NAV3: variants seen among roughly 807,000 people sequenced by gnomAD.
The protein encoded by NAV3 is pore membrane and/or filament interacting like protein 1.
In NAV3, 87 loss-of-function variants were observed where a neutral mutation model predicts 244.7. The observed-to-expected ratio is 0.36, with a 90% CI of 0.30 to 0.42. The LOEUF (loss-of-function observed/expected upper bound fraction) is 0.42. NAV3 is among the 20% of genes least tolerant of loss of function. The probability of loss-of-function intolerance (pLI) is 1.00; values close to 1 mark genes in which losing one functional copy is unlikely to be tolerated. For synonymous variants in NAV3, 1,126 were observed against 1,042.2 expected, an observed-to-expected ratio of 1.08 and a Z score of -1.55; for missense variants, 2,663 against 2,893.3, an observed-to-expected ratio of 0.92 and a Z score of 1.83.
At chr12:77,811,507 T>C (rs1346914596) in intron 2 of NAV3, among the ~76,000 whole-genome samples, 1 of 152,242 alleles carries the variant, frequency 6.6e-6, no homozygotes, top group Non-Finnish European at 1.5e-5. Flanking sequence ...AGTTTGATAC[T>C]AGGCCTTGTT....
intron 2 of NAV3, among the ~76,000 whole-genome samples, chr12:77,707,771 G>A (rs1001799030): frequency 6.6e-6 from 1 of 152,128 alleles, no homozygotes; most frequent in Non-Finnish European, 1.5e-5. Context: ...GTGTGAGATG[G>A]TATCTCATTG....
At chr12:77,583,515 T>C (rs2136685299) in intron 2 of NAV3, among the ~76,000 whole-genome samples, 2 of 152,302 alleles carry the variant, frequency 1.3e-5, no homozygotes, top group South Asian at 4.1e-4. Context: ...AAAATATTTT[T>C]AGGTAATTAT....
At chr12:77,712,458 A>G (rs1399464360) in intron 2 of NAV3, among the ~76,000 whole-genome samples, 1 of 152,238 alleles carries the variant, frequency 6.6e-6, no homozygotes, top group Non-Finnish European at 1.5e-5. Flanking sequence ...CTTGTGAAAC[A>G]AAAAGAGGCC....
chr12:77,798,210 C>A (rs1015671754), intron 2 of NAV3, among the ~76,000 whole-genome samples: 43 of 151,484 alleles, frequency 2.8e-4, no homozygotes, highest in African/African-American at 1.0e-3. Flanking sequence ...AACAAAAAAA[C>A]CCCAAAAACA....
chr12:77,951,969 A>T (rs972272362), intron 3 of NAV3, among the ~76,000 whole-genome samples: 10 of 151,940 alleles, frequency 6.6e-5, no homozygotes, highest in Non-Finnish European at 4.4e-5. Context: ...CCTCATGTAA[A>T]TGATGAGTTA....
At chr12:78,001,022 AT>A (rs1264142937) in intron 7 of NAV3, among the ~76,000 whole-genome samples, 2 of 151,620 alleles carry the variant, frequency 1.3e-5, no homozygotes, top group Non-Finnish European at 2.9e-5. Flanking sequence ...CAAATGGTAC[AT>A]TTTTTAATAA....
At chr12:77,873,708 T>TATAC (rs1881366226) in intron 1 of NAV3, among the ~76,000 whole-genome samples, 17 of 123,522 alleles carry the variant, frequency 1.4e-4, no homozygotes, top group Non-Finnish European at 1.0e-4. Context: ...TATATATATA[T>TATAC]ACATGATTTG....
At chr12:77,879,337 C>T (rs901115154) in intron 1 of NAV3, among the ~76,000 whole-genome samples, 12 of 152,070 alleles carry the variant, frequency 7.9e-5, no homozygotes, top group Middle Eastern at 3.4e-3. Flanking sequence ...AATATTTGAT[C>T]AACAGGGCTA....
rs1299188785 is a variant in NAV3 at position 78,033,957 on chromosome 12, T to C, written c.2023+12095T>C. 4.6e-5 allele frequency among the ~76,000 whole-genome samples: 7 copies of C among 152,204 alleles called. 1 individual carries two copies. The South Asian group carries it at 1.2e-3, about 27-fold the overall frequency. ...AAAATCAACATGTCCCAGACTAGGA[T>C]TGCTCTTGTAGCATGGTTGTTAGAA... is the stretch of plus-strand genomic sequence containing the variant. On this transcript the variant is annotated intron_variant, in intron 9 of 39. Coordinates refer to ENST00000397909, the MANE Select transcript of NAV3 (RefSeq NM_001024383.2).
chr12:78,049,068 C>T (rs1041300771), intron 9 of NAV3, among the ~76,000 whole-genome samples: 3 of 152,162 alleles, frequency 2.0e-5, no homozygotes, highest in East Asian at 1.9e-4. Flanking sequence ...TGCCCCTCCC[C>T]CCACCAAGCT....
At chr12:77,691,338 T>TAC (rs1817246900) in intron 2 of NAV3, among the ~76,000 whole-genome samples, 1 of 82,592 alleles carries the variant, frequency 1.2e-5, no homozygotes, top group African/African-American at 3.6e-5. Flanking sequence ...TGTATGTGTG[T>TAC]ATATATATAT....
At chr12:77,985,264 A>C (rs1870290182) in intron 5 of NAV3, among the ~76,000 whole-genome samples, 1 of 152,190 alleles carries the variant, frequency 6.6e-6, no homozygotes, top group Admixed American at 6.5e-5. Flanking sequence ...GTGGTCAATA[A>C]AAGTCTTTTC....
intron 2 of NAV3, among the ~76,000 whole-genome samples, chr12:77,772,961 A>G (rs916104861): frequency 5.8e-4 from 89 of 152,162 alleles, no homozygotes; most frequent in African/African-American, 2.1e-3. Context: ...TCAGTAGCAT[A>G]TATATTATGT....
At chr12:77,802,733 G>A (rs1871775459) in intron 2 of NAV3, among the ~76,000 whole-genome samples, 1 of 151,992 alleles carries the variant, frequency 6.6e-6, no homozygotes, top group Admixed American at 6.6e-5. Context: ...CTTGATCTCG[G>A]CTCACTGCAA....
At chr12:77,793,537 C>A (rs1476080787) in intron 2 of NAV3, among the ~76,000 whole-genome samples, 1 of 152,096 alleles carries the variant, frequency 6.6e-6, no homozygotes, top group African/African-American at 2.4e-5. Context: ...TGTGTTTTCA[C>A]TGTGCAGCTC....
chr12:78,127,242 CTGT>C (rs1445586484), intron 17 of NAV3, 34 bp downstream of exon 17: 2 of 1,597,922 alleles, frequency 1.3e-6, no homozygotes, highest in Non-Finnish European at 1.7e-6. Flanking sequence ...TGCTACCTCT[CTGT>C]TGTTATGTAA....
At chr12:77,576,351 T>A (rs1869082404) in intron 2 of NAV3, among the ~76,000 whole-genome samples, 1 of 151,952 alleles carries the variant, frequency 6.6e-6, no homozygotes, top group South Asian at 2.1e-4. Flanking sequence ...TAACAATGAG[T>A]GCTTCATCAA....
intron 2 of NAV3, among the ~76,000 whole-genome samples, chr12:77,786,200 A>G (rs191690523): frequency 2.0e-5 from 3 of 152,274 alleles, no homozygotes; most frequent in African/African-American, 4.8e-5. Flanking sequence ...CCTAACTGCT[A>G]TGTGGTACTA....
At chr12:77,676,018 G>C (rs1272796274) in intron 2 of NAV3, among the ~76,000 whole-genome samples, 1 of 152,094 alleles carries the variant, frequency 6.6e-6, no homozygotes, top group Non-Finnish European at 1.5e-5. Flanking sequence ...CCCACCAGAA[G>C]GGCTGTCATC....
Sources: gnomAD v4.1 joint callset for allele counts (sites outside exome capture counted in the v4.1 genomes callset) on GRCh38, gnomAD v4.1.1 for gene constraint, MANE v1.5 for transcripts, NCBI Gene and HGNC (gene_info 2026-07-23, HGNC 2026-07-21) for gene names.